The following RYR2 variants were observed in gnomAD, a reference collection of about 807,000 sequenced individuals.
RYR2 encodes cardiac muscle ryanodine receptor-calcium release channel.
Under a neutral mutation model 601.1 loss-of-function variants are expected in RYR2, and 227 were observed. The ratio of observed to expected loss-of-function variants is 0.38; its 90% CI spans 0.34 to 0.42. The LOEUF (loss-of-function observed/expected upper bound fraction) is 0.42. Among genes scored for constraint, RYR2 ranks in the 10% least tolerant of loss-of-function variants. The pLI is 1.00. For synonymous variants in RYR2, 2,223 were observed against 2,175.1 expected, an observed-to-expected ratio of 1.02 and a Z score of -0.61; for missense variants, 4,646 against 6,156.5, an observed-to-expected ratio of 0.75 and a Z score of 8.21.
intron 6 of RYR2, among the ~76,000 whole-genome samples, chr1:237,372,391 C>G (rs1469085601): frequency 6.6e-6 from 1 of 152,134 alleles, no homozygotes; most frequent in Admixed American, 6.5e-5. Context: ...AGTGTCAGAT[C>G]AATAGTGAAT....
chr1:237,591,774 C>CAAG lies in RYR2; in HGVS notation c.4197_4199dup (p.Thr1399_Ser1400insArg). 6.2e-7 allele frequency: 1 copy of CAAG among 1,600,674 alleles called. No individual in the cohort carries two copies. Among genetic ancestry groups the CAAG allele is most frequent in the Non-Finnish European group, 8.5e-7 (1 of 1,175,378 alleles). On this transcript the variant is annotated inframe_insertion, in exon 32 of 105. Coordinates refer to ENST00000366574, the MANE Select transcript of RYR2 (RefSeq NM_001035.3). ...AGAAGAACAAAGCCAGATTACAGCA[C>CAAG]AAGCCATTCTGCAAGACTCACCGAA...
At chr1:237,634,603 G>T (rs1680679618) in intron 43 of RYR2, among the ~76,000 whole-genome samples, 1 of 152,202 alleles carries the variant, frequency 6.6e-6, no homozygotes. Context: ...AGTAGATTTT[G>T]AGTGTTTTCA....
chr1:237,625,602 T>G (rs1679561865), intron 39 of RYR2, 59 bp from the exon 40 acceptor site: 1 of 1,538,678 alleles, frequency 6.5e-7, no homozygotes, highest in Admixed American at 1.9e-5. Context: ...GCCTCAGAAT[T>G]ATTTGCCCAA....
At position 237,506,789 on chromosome 1, in the gene RYR2, T is replaced by A. The variant is rs1665307321; in HGVS notation, c.2693T>A (p.Ile898Asn). Residue 898 changes from isoleucine to asparagine, a missense_variant, in exon 23 of 105, where the codon ATT (isoleucine) becomes AAT (asparagine). Ile to Asn is a moderately radical substitution (Grantham distance 149). Coordinates refer to ENST00000366574, the MANE Select transcript of RYR2 (RefSeq NM_001035.3). ...NIHELWVMNK[I>N]ELGWQYGPVR... ...CATGAACTCTGGGTTATGAATAAAATTGAGCTTGGCTGGCAGTATGGTCCG... is the reference window on the plus strand; with the variant it reads ...CATGAACTCTGGGTTATGAATAAAAATGAGCTTGGCTGGCAGTATGGTCCG... 6.2e-7 allele frequency: 1 copy of A among 1,613,642 alleles called. No individual in the cohort carries two copies. Among genetic ancestry groups the A allele is most frequent in the African/African-American group, 1.3e-5 (1 of 74,942 alleles).
chr1:237,085,321 G>T (rs1157472104), intron 1 of RYR2, among the ~76,000 whole-genome samples: 6 of 152,294 alleles, frequency 3.9e-5, no homozygotes, highest in Non-Finnish European at 8.8e-5. Context: ...CAAGTCTTTG[G>T]AGTCAAAAAT....
At chr1:237,166,357 C>T (rs565801404) in intron 1 of RYR2, among the ~76,000 whole-genome samples, 2 of 152,286 alleles carry the variant, frequency 1.3e-5, no homozygotes, top group East Asian at 3.9e-4. Context: ...GAAAATGAGC[C>T]AATTAAGCAT....
intron 95 of RYR2, 69 bp from the exon 96 acceptor site, chr1:237,795,220 C>A: frequency 2.7e-6 from 2 of 743,070 alleles, no homozygotes; most frequent in Non-Finnish European, 4.3e-6. Context: ...TGCCATATAT[C>A]CCAAATGATA....
At chr1:237,056,760 G>A (rs554143197) in intron 1 of RYR2, among the ~76,000 whole-genome samples, 30 of 150,824 alleles carry the variant, frequency 2.0e-4, no homozygotes, top group African/African-American at 6.6e-4. Context: ...CTGGAGCACT[G>A]CACCTGTGAG....
intron 25 of RYR2, among the ~76,000 whole-genome samples, chr1:237,536,310 T>A (rs949253038): frequency 1.3e-5 from 2 of 152,218 alleles, no homozygotes; most frequent in African/African-American, 4.8e-5. Context: ...ATCAAAAGCA[T>A]CTGTTAATCC....
Position 237,590,979 on chromosome 1 carries a change from C to G in RYR2, c.4147C>G (p.Arg1383Gly). The G allele has an allele frequency of 6.2e-7, 1 of 1,611,240 alleles. No homozygotes were observed. Among genetic ancestry groups the G allele is most frequent in the Non-Finnish European group, 8.5e-7 (1 of 1,178,488 alleles). ...HKDYAQEKPS[R>G]LKQRFLLRRT... ...AGATTATGCCCAGGAAAAGCCCTCT[C>G]GTCTGAAACAAAGGTTACTAATTTA... The change falls in exon 31 of 105, where the codon CGT becomes GGT. Residue 1383 changes from arginine (R) to glycine (G), a missense_variant. By Grantham distance (125) the Arg-to-Gly change is moderately radical. Around this residue, in one of 17 missense-constraint regions of RYR2, gnomAD observed 1,807 missense variants for 2,088.1 expected, o/e 0.87. Coordinates refer to ENST00000366574, the MANE Select transcript of RYR2 (RefSeq NM_001035.3).
At chr1:237,642,201 T>C (rs889824260) in intron 47 of RYR2, among the ~76,000 whole-genome samples, 2 of 152,154 alleles carry the variant, frequency 1.3e-5, no homozygotes, top group Admixed American at 1.3e-4. Context: ...TTTGGTTGGG[T>C]TTTTTGTGTG....
intron 93 of RYR2, chr1:237,791,811 C>T (rs751858785): frequency 1.4e-5 from 8 of 553,058 alleles, no homozygotes; most frequent in South Asian, 2.5e-5. Flanking sequence ...TGTGGCATAC[C>T]GTATTATATT....
chr1:237,311,739 A>C (rs1004750533), intron 2 of RYR2, among the ~76,000 whole-genome samples: 1 of 152,024 alleles, frequency 6.6e-6, no homozygotes, highest in Non-Finnish European at 1.5e-5. Context: ...TCTGCTTCCC[A>C]AAGTGTTGGG....
At chr1:237,615,034 G>A (rs1246548209) in intron 37 of RYR2, among the ~76,000 whole-genome samples, 191 bp downstream of exon 37, 1 of 151,984 alleles carries the variant, frequency 6.6e-6, no homozygotes, top group Non-Finnish European at 1.5e-5. Flanking sequence ...TTGTTTCCCA[G>A]ATGCTTTTTA....
rs1696154972 is a variant in RYR2, at chr1:237,326,186, G to A, written c.169-4692G>A. 7.2e-5 allele frequency among the ~76,000 whole-genome samples: 11 copies of A among 152,172 alleles called. No homozygotes were observed. In the South Asian group the frequency reaches 2.3e-3, roughly 32 times the overall value. ...TCCAGAGCCAGCAAAGCCAGATGCT[G>A]CTTTGTGGTTATTCTTGAGATTTTT... On this transcript the variant is annotated intron_variant, in intron 2 of 104. Coordinates refer to ENST00000366574, the MANE Select transcript of RYR2 (RefSeq NM_001035.3).
chr1:237,147,483 C>T (rs942912060), intron 1 of RYR2, among the ~76,000 whole-genome samples: 5 of 152,138 alleles, frequency 3.3e-5, no homozygotes, highest in African/African-American at 4.8e-5. Flanking sequence ...AACTTGAGCC[C>T]CTCACAATTC....
intron 2 of RYR2, among the ~76,000 whole-genome samples, chr1:237,298,933 G>T (rs930087361): frequency 1.3e-5 from 2 of 152,126 alleles, no homozygotes; most frequent in Admixed American, 1.3e-4. Context: ...CCAGGAATTT[G>T]AAGTGAGCTA....
chr1:237,320,498 A>T (rs2149523143), intron 2 of RYR2, among the ~76,000 whole-genome samples: 1 of 152,260 alleles, frequency 6.6e-6, no homozygotes, highest in Non-Finnish European at 1.5e-5. Flanking sequence ...ATCATCTGTA[A>T]AGATTAATAG....
At chr1:237,482,878 T>C (rs773608588) in intron 17 of RYR2, among the ~76,000 whole-genome samples, 2 of 152,182 alleles carry the variant, frequency 1.3e-5, no homozygotes, top group Non-Finnish European at 2.9e-5. Flanking sequence ...TGCCTGTCTT[T>C]TGGATGTAAG....
Sources: gnomAD v4.1 joint callset for allele counts (sites outside exome capture counted in the v4.1 genomes callset) on GRCh38, gnomAD v4.1.1 for gene constraint, gnomAD v4.1.1 regional missense constraint, MANE v1.5 for transcripts, NCBI Gene and HGNC (gene_info 2026-07-23, HGNC 2026-07-21) for gene names.